Variants in ZCCHC7 observed in about 807,000 individuals in gnomAD.
ZCCHC7 encodes the protein zinc finger CCHC-type containing 7.
Under a neutral mutation model 52.0 loss-of-function variants are expected in ZCCHC7, and 35 were observed. That is an observed-to-expected ratio of 0.67 (90% CI 0.51 to 0.89). ZCCHC7 has a LOEUF of 0.89. Among genes scored for constraint, ZCCHC7 ranks in the 40% least tolerant of loss-of-function variants. The probability of loss-of-function intolerance (pLI) is 0.00; values close to 1 mark genes in which losing one functional copy is unlikely to be tolerated. For synonymous variants in ZCCHC7, 217 were observed against 221.5 expected (o/e 0.98, Z 0.18); for missense variants, 574 against 649.1 (o/e 0.88, Z 1.26).
intron 5 of ZCCHC7, chr9:37,322,330 A>G (rs754626945): frequency 2.0e-5 from 3 of 152,096 alleles, no homozygotes; most frequent in Admixed American, 6.6e-5. Context: ...TCCTTGTTCT[A>G]CTGCTTCCCC....
intron 2 of ZCCHC7, among the ~76,000 whole-genome samples, chr9:37,161,309 TCA>T (rs1805176822): frequency 6.6e-6 from 1 of 152,082 alleles, no homozygotes. Flanking sequence ...GCGCGGTGGC[TCA>T]CACCTGTAAT....
Position 37,143,598 on chromosome 9 carries a change from G to A in ZCCHC7, c.610+16656G>A, listed in dbSNP as rs182765480. The stretch of plus-strand genomic sequence containing the variant: ...AAGAAAACCCCCTACCCAAAATGCC[G>A]CCACCTAACAGGTGGAAATATCTAT... On this transcript the variant is annotated intron_variant, in intron 2 of 8. Coordinates refer to ENST00000336755, the MANE Select transcript of ZCCHC7 (RefSeq NM_032226.3). Among the ~76,000 whole-genome samples, 44 of 151,546 alleles carry A rather than the reference G, an allele frequency of 2.9e-4. No homozygotes were observed. In the South Asian group the frequency reaches 4.6e-3, roughly 16 times the overall value.
At position 37,187,006 on chromosome 9, in the gene ZCCHC7, C is replaced by G. The variant is rs1822697422; in HGVS notation, c.610+60064C>G. 4 of 230,194 alleles carry G rather than the reference C, an allele frequency of 1.7e-5. No individual in the cohort carries two copies. The South Asian group carries it at 7.0e-4, about 40-fold the overall frequency. The allele number at this position is 230,194 out of a possible 1,614,324, so 14.3% of individuals were successfully genotyped here. On this transcript the variant is annotated intron_variant, in intron 2 of 8. Coordinates refer to ENST00000336755, the MANE Select transcript of ZCCHC7 (RefSeq NM_032226.3). ...TAAAAACAATGGATTGATGAAACTT[C>G]TTCACTGCTTTTTTCTTTGTGTATA...
intron 2 of ZCCHC7, among the ~76,000 whole-genome samples, chr9:37,236,478 G>A (rs1220313947): frequency 3.3e-5 from 5 of 151,010 alleles, no homozygotes; most frequent in Admixed American, 6.6e-5. Context: ...TGCAAGCTCC[G>A]CCTCCTGCGT....
intron 2 of ZCCHC7, among the ~76,000 whole-genome samples, chr9:37,272,447 C>G (rs577355881): frequency 6.7e-6 from 1 of 149,158 alleles, no homozygotes; most frequent in Admixed American, 6.7e-5. Flanking sequence ...AACCATCACC[C>G]GGGTCAAGAA....
intron 6 of ZCCHC7, among the ~76,000 whole-genome samples, chr9:37,342,849 A>T (rs923615504): frequency 1.3e-5 from 2 of 152,270 alleles, no homozygotes; most frequent in African/African-American, 4.8e-5. Flanking sequence ...TAGTCAGTAA[A>T]TAGTGGAGCC....
chr9:37,349,916 T>C (rs1221392630), intron 7 of ZCCHC7, among the ~76,000 whole-genome samples: 1 of 151,970 alleles, frequency 6.6e-6, no homozygotes, highest in Non-Finnish European at 1.5e-5. Flanking sequence ...GCCTCCCAAG[T>C]AGCTGGGATT....
chr9:37,270,087 G>A (rs989673286), intron 2 of ZCCHC7, among the ~76,000 whole-genome samples: 1 of 152,162 alleles, frequency 6.6e-6, no homozygotes, highest in Non-Finnish European at 1.5e-5. Flanking sequence ...TGTAAAGCAT[G>A]TTATTAATAA....
intron 2 of ZCCHC7, among the ~76,000 whole-genome samples, chr9:37,268,775 A>G (rs1827241736): frequency 6.6e-6 from 1 of 152,110 alleles, no homozygotes; most frequent in African/African-American, 2.4e-5. Flanking sequence ...CAGCTGTGAA[A>G]CTTTATTGTT....
At chr9:37,353,682 TTG>T (rs1246647662) in intron 7 of ZCCHC7, among the ~76,000 whole-genome samples, 1 of 152,180 alleles carries the variant, frequency 6.6e-6, no homozygotes. Flanking sequence ...TTTTTATAAA[TTG>T]TGTGTTTAGA....
chr9:37,267,559 ATTTTTTCTTTTT>A (rs1370491915), intron 2 of ZCCHC7, among the ~76,000 whole-genome samples: 4 of 138,618 alleles, frequency 2.9e-5, no homozygotes, highest in Non-Finnish European at 4.6e-5. Context: ...TGCACGGCTA[ATTTTTTCTTTTT>A]TTTTTTTTTT....
At chr9:37,345,980 G>C (rs1005752777) in intron 6 of ZCCHC7, among the ~76,000 whole-genome samples, 1 of 149,018 alleles carries the variant, frequency 6.7e-6, no homozygotes, top group Non-Finnish European at 1.5e-5. Context: ...GTTTGGTTTG[G>C]TTTGGTTTGG....
intron 2 of ZCCHC7, among the ~76,000 whole-genome samples, chr9:37,235,169 A>G (rs764323238): frequency 2.0e-5 from 3 of 152,186 alleles, no homozygotes; most frequent in African/African-American, 4.8e-5. Flanking sequence ...GTTAATTGTA[A>G]TCACTGTACT....
At chr9:37,225,348 T>G (rs898769267) in intron 2 of ZCCHC7, among the ~76,000 whole-genome samples, 4 of 152,162 alleles carry the variant, frequency 2.6e-5, no homozygotes, top group African/African-American at 9.6e-5. Flanking sequence ...CCAGATAGCA[T>G]TAGTAGTATA....
intron 5 of ZCCHC7, among the ~76,000 whole-genome samples, chr9:37,311,633 C>T (rs1447274741): frequency 6.6e-6 from 1 of 152,182 alleles, no homozygotes; most frequent in Non-Finnish European, 1.5e-5. Flanking sequence ...TGATGTCGAA[C>T]TCCTGACCTC....
intron 5 of ZCCHC7, among the ~76,000 whole-genome samples, chr9:37,315,683 T>C (rs1262166101): frequency 1.3e-5 from 2 of 151,624 alleles, no homozygotes; most frequent in Non-Finnish European, 2.9e-5. Flanking sequence ...TCTAAACTTT[T>C]ACTTTTTTAA....
intron 5 of ZCCHC7, chr9:37,327,213 T>G (rs2118152802): frequency 6.6e-6 from 1 of 152,254 alleles, no homozygotes; most frequent in African/African-American, 2.4e-5. Flanking sequence ...TAAAGTTGTT[T>G]TTGCTACAGA....
chr9:37,356,729 T>C, intron 8 of ZCCHC7, 106 bp from the exon 9 acceptor site: 1 of 1,052,658 alleles, frequency 9.5e-7, no homozygotes, highest in Non-Finnish European at 1.4e-6. Context: ...ACTGTTAACA[T>C]GTTTAAATAT....
chr9:37,165,815 GAACT>G (rs1341995517), intron 2 of ZCCHC7, among the ~76,000 whole-genome samples: 2 of 152,238 alleles, frequency 1.3e-5, no homozygotes, highest in African/African-American at 2.4e-5. Flanking sequence ...TTTCTAAACA[GAACT>G]AACATCAGAA....
Sources: gnomAD v4.1 joint callset for allele counts (sites outside exome capture counted in the v4.1 genomes callset) on GRCh38, gnomAD v4.1.1 for gene constraint, MANE v1.5 for transcripts, NCBI Gene and HGNC (gene_info 2026-07-23, HGNC 2026-07-21) for gene names.